CUL1: variants seen among roughly 807,000 people sequenced by gnomAD.
The protein encoded by CUL1 is cullin-1.
In CUL1, 24 loss-of-function variants were observed where a neutral mutation model predicts 118.0. The ratio of observed to expected loss-of-function variants is 0.20; its 90% CI spans 0.15 to 0.29. The LOEUF is 0.29. CUL1 is among the 10% of genes least tolerant of loss of function. The pLI is 1.00. For synonymous variants in CUL1, 332 were observed against 340.4 expected (o/e 0.98, Z 0.27); for missense variants, 361 against 933.8 (o/e 0.39, Z 7.99).
intron 1 of CUL1, among the ~76,000 whole-genome samples, chr7:148,724,666 C>T (rs770560797): frequency 5.3e-5 from 8 of 152,190 alleles, no homozygotes; most frequent in Non-Finnish European, 7.3e-5. Flanking sequence ...CCCCTGCTGT[C>T]GTCCTGCTTC....
chr7:148,778,087 AAAAAAAAAAAG>A lies in CUL1; in HGVS notation c.1084-5693_1084-5683del, dbSNP rs1393413093. Among the ~76,000 whole-genome samples, 66 of 141,976 alleles carry A rather than the reference AAAAAAAAAAAG, an allele frequency of 4.6e-4. 2 individuals carry two copies. The highest frequency in any genetic ancestry group is 1.1e-3 in the African/African-American group (43 of 37,912). The allele number at this position is 141,976 out of a possible 152,430, so 93.1% of individuals were successfully genotyped here. A position where few individuals can be genotyped will look rare whatever the true frequency, so the allele number is the denominator to read the frequency against. ...CCCTGTCTCAAAAAAAAAAAAAAAAAAAAAAAAAAAGAAGAAGAAGAAGAATGAGGAAAGAG... is the reference window on the plus strand; with the variant it reads ...CCCTGTCTCAAAAAAAAAAAAAAAAAAAGAAGAAGAAGAATGAGGAAAGAG... On this transcript the variant is annotated intron_variant, in intron 9 of 21. Transcript: ENST00000325222.
At position 148,735,361 on chromosome 7, in the gene CUL1, C is replaced by T. The variant is rs542330958; in HGVS notation, c.140+5099C>T. 2.4e-4 allele frequency among the ~76,000 whole-genome samples: 37 copies of T among 152,332 alleles called. 1 individual carries two copies. The South Asian group carries it at 6.6e-3, about 27-fold the overall frequency. On this transcript the variant is annotated intron_variant, in intron 2 of 21. Coordinates refer to ENST00000325222, the MANE Select transcript of CUL1 (RefSeq NM_003592.3). ...TCTGCACCTGCCAGTTGAGCAGTCC[C>T]GTCTTGGCTGCCGCCACCACTCTTT...
intron 9 of CUL1, among the ~76,000 whole-genome samples, chr7:148,778,751 T>C (rs1179252773): frequency 6.6e-6 from 1 of 152,190 alleles, no homozygotes; most frequent in African/African-American, 2.4e-5. Context: ...TCTGCTCTCT[T>C]TAGCCCCTGG....
chr7:148,746,103 T>C (rs111771816), intron 2 of CUL1, among the ~76,000 whole-genome samples: 33 of 151,852 alleles, frequency 2.2e-4, no homozygotes, highest in African/African-American at 7.7e-4. Context: ...GTGTGTGAGG[T>C]CCTCTCTGAG....
chr7:148,736,790 G>A (rs1798958779), intron 2 of CUL1, among the ~76,000 whole-genome samples: 1 of 152,192 alleles, frequency 6.6e-6, no homozygotes, highest in South Asian at 2.1e-4. Context: ...AAAACACAAT[G>A]AAGACTGTTG....
intron 1 of CUL1, among the ~76,000 whole-genome samples, chr7:148,725,885 A>C (rs1798564371): frequency 6.6e-6 from 1 of 152,222 alleles, no homozygotes; most frequent in Non-Finnish European, 1.5e-5. Context: ...AATTTTTGAA[A>C]ACCTCAGATC....
intron 1 of CUL1, among the ~76,000 whole-genome samples, chr7:148,708,672 A>G (rs1429133828): frequency 6.6e-6 from 1 of 152,206 alleles, no homozygotes; most frequent in Admixed American, 6.5e-5. Flanking sequence ...AATCCTGAAA[A>G]TCTAGCTGTG....
chr7:148,735,163 A>G (rs1487087159), intron 2 of CUL1, among the ~76,000 whole-genome samples: 1 of 152,256 alleles, frequency 6.6e-6, no homozygotes, highest in Non-Finnish European at 1.5e-5. Flanking sequence ...AAGTCATAAC[A>G]TAAGCACATT....
intron 7 of CUL1, 142 bp downstream of exon 7, chr7:148,760,638 C>A: frequency 1.7e-6 from 1 of 577,322 alleles, no homozygotes; most frequent in Non-Finnish European, 3.0e-6. Flanking sequence ...GGTGCAAGTG[C>A]TTCTCCTAAT....
In CUL1 at chr7:148,757,124, C is replaced by T; in HGVS notation, c.457C>T (p.Arg153Ter). Reference protein sequence around the residue: ...HWVRRECDEGRKGIYEIYSLA... With the variant: ...HWVRRECDEG ...GGTTCGCCGTGAATGTGACGAAGGACGAAAAGGAATATATGAAATCTATTC... is the reference window on the plus strand; with the variant it reads ...GGTTCGCCGTGAATGTGACGAAGGATGAAAAGGAATATATGAAATCTATTC... Residue 153 changes from arginine (R) to a stop codon, truncating the protein, a stop_gained, in exon 4 of 22, where the codon CGA (arginine) becomes TGA (stop). Transcript: ENST00000325222. LOFTEE classifies it high-confidence loss of function. The T allele has an allele frequency of 1.3e-6, 2 of 1,570,908 alleles. No homozygotes were observed. Among genetic ancestry groups the T allele is most frequent in the Non-Finnish European group, 1.7e-6 (2 of 1,160,162 alleles).
intron 2 of CUL1, among the ~76,000 whole-genome samples, chr7:148,738,481 C>A (rs977965276): frequency 6.6e-6 from 1 of 152,182 alleles, no homozygotes; most frequent in Non-Finnish European, 1.5e-5. Flanking sequence ...AGGCTTGGCT[C>A]TTGGACATAA....
At chr7:148,707,779 G>A (rs1797933303) in intron 1 of CUL1, among the ~76,000 whole-genome samples, 1 of 152,086 alleles carries the variant, frequency 6.6e-6, no homozygotes, top group South Asian at 2.1e-4. Flanking sequence ...AAACTTCCTG[G>A]GTTTTAAAAG....
intron 9 of CUL1, among the ~76,000 whole-genome samples, chr7:148,773,843 T>A (rs1229545090): frequency 2.0e-5 from 3 of 152,196 alleles, no homozygotes; most frequent in African/African-American, 7.2e-5. Context: ...CCCCTTGAAA[T>A]AATGGCACAT....
At chr7:148,778,028 A>G (rs1800461204) in intron 9 of CUL1, among the ~76,000 whole-genome samples, 1 of 135,146 alleles carries the variant, frequency 7.4e-6, no homozygotes, top group African/African-American at 2.8e-5. Context: ...ATGCCACTGC[A>G]CTCCTGCACT....
chr7:148,793,646 G>A (rs780351624), intron 17 of CUL1, among the ~76,000 whole-genome samples: 7 of 152,296 alleles, frequency 4.6e-5, no homozygotes, highest in Non-Finnish European at 1.0e-4. Flanking sequence ...TTTTGTGGTC[G>A]AATAATCCAA....
intron 1 of CUL1, among the ~76,000 whole-genome samples, chr7:148,724,600 C>T (rs1798500612): frequency 6.6e-6 from 1 of 152,160 alleles, no homozygotes; most frequent in Non-Finnish European, 1.5e-5. Flanking sequence ...ATGATAATCC[C>T]TCTCCGGGGA....
rs532048159 is a variant in CUL1 at position 148,726,428 on chromosome 7, A to G, written c.-161-3534A>G. Among the ~76,000 whole-genome samples the G allele has an allele frequency of 7.2e-5, 11 of 151,944 alleles. No homozygotes were observed. In the South Asian group the frequency reaches 2.3e-3, roughly 32 times the overall value. ...GCTTTCTTAAATTTCAAAATATCTGAGTAGATTTAATACTGATACAATTAG... is the reference window on the plus strand; with the variant it reads ...GCTTTCTTAAATTTCAAAATATCTGGGTAGATTTAATACTGATACAATTAG... On this transcript the variant is annotated intron_variant, in intron 1 of 21. Coordinates refer to ENST00000325222, the MANE Select transcript of CUL1 (RefSeq NM_003592.3).
chr7:148,798,113 G>A, intron 19 of CUL1, 94 bp downstream of exon 19: 1 of 703,836 alleles, frequency 1.4e-6, no homozygotes, highest in Non-Finnish European at 2.4e-6. Flanking sequence ...AACCAAGGGA[G>A]ACCGGGGACT....
intron 3 of CUL1, among the ~76,000 whole-genome samples, chr7:148,756,404 TGG>T (rs1799658958): frequency 6.6e-6 from 1 of 152,070 alleles, no homozygotes. Context: ...GGTGCGATCT[TGG>T]CTCACTGCAA....
Sources: allele counts gnomAD v4.1 joint callset (sites outside exome capture counted in the v4.1 genomes callset), GRCh38; gene constraint gnomAD v4.1.1; transcripts MANE v1.5; gene names NCBI Gene and HGNC (gene_info 2026-07-23, HGNC 2026-07-21).